PCYT2: variants seen among roughly 807,000 people sequenced by gnomAD.
PCYT2 encodes the protein ethanolamine-phosphate cytidylyltransferase.
A neutral mutation model predicts 50.0 loss-of-function variants in PCYT2; 33 were observed. That is an observed-to-expected ratio of 0.66 (90% CI 0.50 to 0.88). The LOEUF (loss-of-function observed/expected upper bound fraction) is 0.88, where lower values mean the gene tolerates loss of function less well. Among genes scored for constraint, PCYT2 ranks in the 40% least tolerant of loss-of-function variants. The probability of loss-of-function intolerance (pLI) is 0.00; values close to 1 mark genes in which losing one functional copy is unlikely to be tolerated. For missense variants in PCYT2, 430 were observed against 519.7 expected, an observed-to-expected ratio of 0.83 and a Z score of 1.68; for synonymous variants, 240 against 203.7, an observed-to-expected ratio of 1.18 and a Z score of -1.52.
intron 2 of PCYT2, 43 bp downstream of exon 2, chr17:81,909,471 G>A (rs375837264): frequency 1.4e-4 from 219 of 1,565,530 alleles, no homozygotes; most frequent in Middle Eastern, 8.4e-4. Context: ...CAACCCACAG[G>A]AGGGCTGGGG....
intron 5 of PCYT2, 55 bp from the exon 6 acceptor site, chr17:81,907,653 C>A (rs2040349463): frequency 3.1e-6 from 5 of 1,603,600 alleles, no homozygotes; most frequent in Non-Finnish European, 4.3e-6. Flanking sequence ...CGTGGCCACC[C>A]CAGAACCGGC....
chr17:81,910,918 C>T, intron 1 of PCYT2: 1 of 988,174 alleles, frequency 1.0e-6, no homozygotes, highest in South Asian at 4.7e-5. Flanking sequence ...GACGCTCGCC[C>T]GGAGGCCAGG....
chr17:81,908,464 C>A, intron 4 of PCYT2, 104 bp downstream of exon 4: 1 of 826,606 alleles, frequency 1.2e-6, no homozygotes, highest in South Asian at 1.5e-5. Context: ...TGGCCCAGGG[C>A]CTGGACGCTC....
In PCYT2 at chr17:81,906,181, C is replaced by T. The variant is rs779317251; in HGVS notation, c.760-4G>A. The T allele has an allele frequency of 2.2e-5, 35 of 1,608,884 alleles. No individual in the cohort carries two copies. Among genetic ancestry groups the T allele is most frequent in the Non-Finnish European group, 2.7e-5 (32 of 1,177,414 alleles). On this transcript the variant is annotated splice_polypyrimidine_tract_variant and splice_region_variant and intron_variant, in intron 8 of 12. Coordinates refer to ENST00000538936, the MANE Select transcript of PCYT2 (RefSeq NM_002861.5). Reference sequence around the variant, plus strand: ...TCCCCTTGTAGTGATTGACCTCCTGCGGCCAGAGTGCGGCTAGCTCAGCCC... The same window carrying T: ...TCCCCTTGTAGTGATTGACCTCCTGTGGCCAGAGTGCGGCTAGCTCAGCCC...
rs2040017395 is a variant in PCYT2 at position 81,902,862 on chromosome 17, C to T, written c.*1971G>A. On this transcript the variant is annotated 3_prime_UTR_variant, in exon 13 of 13. Transcript: ENST00000538936. Reference sequence around the variant, plus strand: ...CCAGGTCTCCCCTACTCCGCTCACCCCGCAGTTAATGGCAAACGAATAAAT... The same window carrying T: ...CCAGGTCTCCCCTACTCCGCTCACCTCGCAGTTAATGGCAAACGAATAAAT... The T allele has an allele frequency of 7.6e-6, 7 of 922,962 alleles. No individual in the cohort carries two copies. Among genetic ancestry groups the T allele is most frequent in the Non-Finnish European group, 1.1e-5 (7 of 643,202 alleles). 57.2% of individuals were successfully genotyped at this position (922,962 alleles called of 1,614,324 possible). A position where few individuals can be genotyped will look rare whatever the true frequency, so the allele number is the denominator to read the frequency against.
Position 81,902,616 on chromosome 17 carries a change from C to G in PCYT2, c.*2217G>C. On this transcript the variant is annotated 3_prime_UTR_variant, in exon 13 of 13. Coordinates refer to ENST00000538936, the MANE Select transcript of PCYT2 (RefSeq NM_002861.5). ...CCCTCAGCCTTTGCTTGCCTGCCCC[C>G]CAGGCTGTGTGCGTCCAGGACGTCG... The G allele has an allele frequency of 6.3e-7, 1 of 1,581,488 alleles. No individual in the cohort carries two copies.
At chr17:81,906,280 C>T (rs1326682000) in intron 8 of PCYT2, 103 bp from the exon 9 acceptor site, 2 of 1,200,400 alleles carry the variant, frequency 1.7e-6, no homozygotes, top group Non-Finnish European at 1.2e-6. Context: ...AGGTTGCTCG[C>T]CCTTGTGGGG....
chr17:81,910,844 G>C, intron 1 of PCYT2: 5 of 977,520 alleles, frequency 5.1e-6, no homozygotes, highest in Non-Finnish European at 6.1e-6. Context: ...AGGAGGACCC[G>C]GGAGCCCGCG....
At chr17:81,909,436 C>T (rs1429832253) in intron 2 of PCYT2, 78 bp downstream of exon 2, 3 of 1,511,126 alleles carry the variant, frequency 2.0e-6, no homozygotes, top group East Asian at 2.3e-5. Flanking sequence ...TGGCCCCAGG[C>T]CTGCAGGCTT....
chr17:81,908,554 C>A lies in PCYT2; in HGVS notation c.407+14G>T. The stretch of plus-strand genomic sequence containing the variant: ...CCAGCTCCCTGGATGGCCAGGCCCG[C>A]GGTGGAGACTCACCTGTACCTCCCA... On this transcript the variant is annotated intron_variant, in intron 4 of 12. Transcript: ENST00000538936. 1.2e-6 allele frequency: 2 copies of A among 1,605,800 alleles called. No individual in the cohort carries two copies. Among genetic ancestry groups the A allele is most frequent in the South Asian group, 2.2e-5 (2 of 90,846 alleles).
Position 81,901,015 on chromosome 17 carries a change from A to T in PCYT2, c.*3818T>A, listed in dbSNP as rs1471274135. On this transcript the variant is annotated 3_prime_UTR_variant, in exon 13 of 13. Transcript: ENST00000538936. The stretch of plus-strand genomic sequence containing the variant: ...ATTGACTCACGTGATCACAAGGTGA[A>T]GTCCCACAATAAGCCATGTGCAAGG... 6.6e-6 allele frequency: 1 copy of T among 152,200 alleles called. No homozygotes were observed. The highest frequency in any genetic ancestry group is 1.5e-5 in the Non-Finnish European group (1 of 68,024). The allele number at this position is 152,200 out of a possible 1,614,324, so 9.4% of individuals were successfully genotyped here. A position where few individuals can be genotyped will look rare whatever the true frequency, so the allele number is the denominator to read the frequency against.
chr17:81,905,116 A>ACTGTCAATCTGACGGAAGATGCCC lies in PCYT2; in HGVS notation c.984_1007dup (p.Arg328_Asp335dup). 6.2e-7 allele frequency: 1 copy of ACTGTCAATCTGACGGAAGATGCCC among 1,613,414 alleles called. No individual in the cohort carries two copies. Among genetic ancestry groups the ACTGTCAATCTGACGGAAGATGCCC allele is most frequent in the Non-Finnish European group, 8.5e-7 (1 of 1,179,950 alleles). ...TGAGGTCTGTGGTGAGGTTGCTGCC[A>ACTGTCAATCTGACGGAAGATGCCC]CTGTCAATCTGACGGAAGATGCCCC... On this transcript the variant is annotated inframe_insertion, in exon 12 of 13. Coordinates refer to ENST00000538936, the MANE Select transcript of PCYT2 (RefSeq NM_002861.5).
intron 8 of PCYT2, 61 bp downstream of exon 8, chr17:81,906,403 C>T: frequency 6.6e-7 from 1 of 1,517,516 alleles, no homozygotes. Flanking sequence ...AACAGCAACG[C>T]TTAGGGCCCC....
chr17:81,903,082 G>A lies in PCYT2; in HGVS notation c.*1751C>T, dbSNP rs1206799293. 2.2e-5 allele frequency: 7 copies of A among 324,182 alleles called. No homozygotes were observed. The highest frequency in any genetic ancestry group is 3.9e-5 in the Non-Finnish European group (7 of 177,926). The allele number at this position is 324,182 out of a possible 1,614,324, so 20.1% of individuals were successfully genotyped here. A position where few individuals can be genotyped will look rare whatever the true frequency, so the allele number is the denominator to read the frequency against. On this transcript the variant is annotated 3_prime_UTR_variant, in exon 13 of 13. Coordinates refer to ENST00000538936, the MANE Select transcript of PCYT2 (RefSeq NM_002861.5). The stretch of plus-strand genomic sequence containing the variant: ...GGCCACGACCCAGCCCCGCGGTGAA[G>A]CCGCGCCTAGCCTTGGTGCTCCCTG...
chr17:81,906,141 T>C lies in PCYT2; in HGVS notation c.796A>G (p.Met266Val), dbSNP rs2040252682. 6 of 1,613,006 alleles carry C rather than the reference T, an allele frequency of 3.7e-6. No homozygotes were observed. In the African/African-American group the frequency reaches 4.0e-5, roughly 11 times the overall value. ...CTCAGAGTCCGTTCATGCAGATTCA[T>C]GATGGGGTAGTTCTTCCCCTTGTAG... is the stretch of plus-strand genomic sequence containing the variant. ...NHYKGKNYPI[M>V]NLHERTLSVL... The change falls in exon 9 of 13, where the codon ATG (methionine) becomes GTG (valine). Residue 266 changes from methionine (M) to valine (V), a missense_variant. This residue lies in a region of PCYT2 where 248 missense variants were observed against 300.2 expected (regional missense o/e 0.83). Transcript: ENST00000538936.
intron 11 of PCYT2, 95 bp from the exon 12 acceptor site, chr17:81,905,249 G>A: frequency 1.5e-6 from 2 of 1,336,312 alleles, no homozygotes; most frequent in Non-Finnish European, 2.1e-6. Flanking sequence ...CAGCGCCCAG[G>A]GTCCCATGGG....
rs1364848217 is a variant in PCYT2 at position 81,906,552 on chromosome 17, C to G, written c.677-6G>C. 1.2e-6 allele frequency: 2 copies of G among 1,613,178 alleles called. No homozygotes were observed. Among genetic ancestry groups the G allele is most frequent in the South Asian group, 1.1e-5 (1 of 91,082 alleles). ...GAAGTCCACATGCCCGATGTCTGCA[C>G]CCAGGTTAAGAAGCAGTCGGGATGG... On this transcript the variant is annotated splice_region_variant and splice_polypyrimidine_tract_variant and intron_variant, in intron 7 of 12. Coordinates refer to ENST00000538936, the MANE Select transcript of PCYT2 (RefSeq NM_002861.5).
At chr17:81,909,673 C>T (rs2040470277) in intron 1 of PCYT2, 71 bp from the exon 2 acceptor site, 7 of 1,180,954 alleles carry the variant, frequency 5.9e-6, no homozygotes, top group African/African-American at 1.5e-5. Context: ...GGGTTAGGGG[C>T]AGAGCTTTGC....
At chr17:81,907,023 G>T in intron 6 of PCYT2, 125 bp from the exon 7 acceptor site, 1 of 1,225,996 alleles carries the variant, frequency 8.2e-7, no homozygotes, top group Non-Finnish European at 1.1e-6. Context: ...CTCGGGCAGG[G>T]GACACACTGC....
Sources: gnomAD v4.1 joint callset for allele counts on GRCh38, gnomAD v4.1.1 for gene constraint, gnomAD v4.1.1 regional missense constraint, MANE v1.5 for transcripts, NCBI Gene and HGNC (gene_info 2026-07-23, HGNC 2026-07-21) for gene names.